The following CCSER1 variants were observed in gnomAD, a reference collection of about 807,000 sequenced individuals.
CCSER1 encodes coiled-coil serine rich protein 1.
In CCSER1, 41 loss-of-function variants were observed where a neutral mutation model predicts 82.0. That is an observed-to-expected ratio of 0.50 (90% CI 0.39 to 0.65). The LOEUF is 0.65. CCSER1 is among the 30% of genes least tolerant of loss of function. The pLI, the probability that CCSER1 is intolerant of heterozygous loss-of-function variation, is 0.00. For synonymous variants in CCSER1, 414 were observed against 383.9 expected, an observed-to-expected ratio of 1.08 and a Z score of -0.92; for missense variants, 1,119 against 1,064.2, an observed-to-expected ratio of 1.05 and a Z score of -0.72.
Position 90,357,031 on chromosome 4 carries a change from G to A in CCSER1, c.1510-43005G>A, listed in dbSNP as rs1342441406. On this transcript the variant is annotated intron_variant, in intron 3 of 10. Transcript: ENST00000509176. The stretch of plus-strand genomic sequence containing the variant: ...TTATAAAACTACTTTTTGCGGGTCT[G>A]GTAAAAATGGTGGTGCCTGCCTCTT... Among the ~76,000 whole-genome samples the A allele has an allele frequency of 4.0e-5, 6 of 151,798 alleles. No homozygotes were observed. The East Asian group carries it at 9.6e-4, about 24-fold the overall frequency.
At chr4:90,933,689 GTTT>G (rs33937740) in intron 9 of CCSER1, among the ~76,000 whole-genome samples, 11 of 149,724 alleles carry the variant, frequency 7.3e-5, no homozygotes, top group East Asian at 5.9e-4. Context: ...ACTTTTGGAA[GTTT>G]TTTTTTTTCT....
chr4:90,525,684 A>G (rs1386602142), intron 5 of CCSER1, among the ~76,000 whole-genome samples: 1 of 152,082 alleles, frequency 6.6e-6, no homozygotes, highest in African/African-American at 2.4e-5. Context: ...ATCATCATCA[A>G]AGGCTGGAGT....
At chr4:91,020,280 A>G (rs1739815506) in intron 9 of CCSER1, among the ~76,000 whole-genome samples, 1 of 152,178 alleles carries the variant, frequency 6.6e-6, no homozygotes, top group South Asian at 2.1e-4. Flanking sequence ...AGATATGTAC[A>G]CTTATTTCTT....
chr4:90,824,307 C>T (rs1480351549), intron 8 of CCSER1, among the ~76,000 whole-genome samples: 2 of 151,950 alleles, frequency 1.3e-5, no homozygotes, highest in African/African-American at 2.4e-5. Context: ...GGCAAGTTCT[C>T]GGCTCATTTG....
intron 10 of CCSER1, among the ~76,000 whole-genome samples, chr4:91,307,173 C>G (rs530288383): frequency 1.7e-4 from 26 of 151,860 alleles, no homozygotes; most frequent in Admixed American, 2.6e-4. Context: ...TGTATTAACT[C>G]TTAATAAAAT....
intron 7 of CCSER1, among the ~76,000 whole-genome samples, chr4:90,798,400 C>T (rs2149688699): frequency 6.6e-6 from 1 of 151,488 alleles, no homozygotes. Context: ...TTTTTAGCTT[C>T]CTTGTACTGG....
intron 4 of CCSER1, among the ~76,000 whole-genome samples, chr4:90,439,926 C>T (rs567316699): frequency 6.6e-6 from 1 of 152,014 alleles, no homozygotes; most frequent in Admixed American, 6.6e-5. Flanking sequence ...TTTTTCTTTT[C>T]CTGAGTGTAT....
chr4:90,548,239 G>A (rs1429050158), intron 5 of CCSER1, among the ~76,000 whole-genome samples: 1 of 152,156 alleles, frequency 6.6e-6, no homozygotes, highest in African/African-American at 2.4e-5. Flanking sequence ...GAAAAGTAAG[G>A]TGGATTAATT....
intron 10 of CCSER1, among the ~76,000 whole-genome samples, chr4:91,519,115 G>GT (rs1483850951): frequency 5.3e-5 from 8 of 152,222 alleles, no homozygotes; most frequent in Non-Finnish European, 1.0e-4. Context: ...TCCAGGTGGG[G>GT]GCAGGGTAGA....
At chr4:90,136,232 G>C (rs964432096) in intron 1 of CCSER1, among the ~76,000 whole-genome samples, 2 of 152,108 alleles carry the variant, frequency 1.3e-5, no homozygotes, top group African/African-American at 4.8e-5. Context: ...CACTCTTGTA[G>C]GTCCTAGCTA....
At chr4:90,723,862 C>A in intron 6 of CCSER1, 52 bp from the exon 7 acceptor site, 1 of 864,516 alleles carries the variant, frequency 1.2e-6, no homozygotes, top group South Asian at 3.0e-5. Context: ...TATGAATAGT[C>A]AAAATGACTA....
intron 10 of CCSER1, among the ~76,000 whole-genome samples, chr4:91,523,275 C>T (rs1258394153): frequency 6.6e-6 from 1 of 152,098 alleles, no homozygotes; most frequent in Non-Finnish European, 1.5e-5. Context: ...ATTTGGTTTG[C>T]CAGTATTTTA....
rs551912271 is a variant in CCSER1, at chr4:91,079,097, G to A, written c.2173-6853G>A. On this transcript the variant is annotated intron_variant, in intron 9 of 10. Coordinates refer to ENST00000509176, the MANE Select transcript of CCSER1 (RefSeq NM_001145065.2). ...AGAGAACGCCACAAAGATACTCCTCGAGAAGAGCAAATCCAAGACACATAA... is the reference window on the plus strand; with the variant it reads ...AGAGAACGCCACAAAGATACTCCTCAAGAAGAGCAAATCCAAGACACATAA... 5.9e-5 allele frequency among the ~76,000 whole-genome samples: 9 copies of A among 152,210 alleles called. No homozygotes were observed. In the South Asian group the frequency reaches 8.3e-4, roughly 14 times the overall value.
intron 8 of CCSER1, among the ~76,000 whole-genome samples, chr4:90,824,767 G>A (rs1760192329): frequency 6.6e-6 from 1 of 152,118 alleles, no homozygotes; most frequent in Admixed American, 6.6e-5. Flanking sequence ...GAAATGGACA[G>A]CTGTAAGTAC....
At chr4:91,193,941 C>A (rs565472294) in intron 10 of CCSER1, among the ~76,000 whole-genome samples, 1 of 152,006 alleles carries the variant, frequency 6.6e-6, no homozygotes, top group African/African-American at 2.4e-5. Flanking sequence ...CAAGAACCCA[C>A]ATATATGATT....
intron 5 of CCSER1, among the ~76,000 whole-genome samples, chr4:90,503,151 G>A (rs74879949): frequency 0.016 from 2,454 of 152,236 alleles, 40 homozygotes; most frequent in African/African-American, 0.047. Flanking sequence ...TTATGAAAGA[G>A]CAAATCTTTA....
chr4:90,873,144 T>C (rs1237452344), intron 8 of CCSER1, among the ~76,000 whole-genome samples: 1 of 152,084 alleles, frequency 6.6e-6, no homozygotes, highest in African/African-American at 2.4e-5. Context: ...TTTGTTATTA[T>C]CTTTTGTAAT....
At chr4:90,401,244 T>C (rs933754007) in intron 4 of CCSER1, among the ~76,000 whole-genome samples, 2 of 152,212 alleles carry the variant, frequency 1.3e-5, no homozygotes, top group African/African-American at 4.8e-5. Context: ...TTGACAGATA[T>C]CCTTCTAAAA....
At chr4:90,463,916 C>T (rs1410844169) in intron 4 of CCSER1, among the ~76,000 whole-genome samples, 1 of 151,506 alleles carries the variant, frequency 6.6e-6, no homozygotes, top group Non-Finnish European at 1.5e-5. Context: ...CTTTTTTATG[C>T]TTTAACAATG....
Sources: gnomAD v4.1 joint callset for allele counts (sites outside exome capture counted in the v4.1 genomes callset) on GRCh38, gnomAD v4.1.1 for gene constraint, MANE v1.5 for transcripts, NCBI Gene and HGNC (gene_info 2026-07-23, HGNC 2026-07-21) for gene names.